PAM: variants seen among roughly 807,000 people sequenced by gnomAD.
PAM encodes the protein peptidyl-glycine alpha-amidating monooxygenase.
Under a neutral mutation model 122.1 loss-of-function variants are expected in PAM, and 72 were observed. That is an observed-to-expected ratio of 0.59 (90% CI 0.49 to 0.72). The LOEUF (loss-of-function observed/expected upper bound fraction) is 0.72, where lower values mean the gene tolerates loss of function less well. PAM is among the 30% of genes least tolerant of loss of function. The pLI is 0.00. For missense variants in PAM, 1,106 were observed against 1,183.7 expected (o/e 0.93, Z 0.96); for synonymous variants, 389 against 404.4 (o/e 0.96, Z 0.46).
intron 5 of PAM, among the ~76,000 whole-genome samples, chr5:102,923,983 A>AAGTG (rs1263101787): frequency 1.3e-5 from 2 of 152,204 alleles, no homozygotes; most frequent in African/African-American, 4.8e-5. Context: ...TCTGTGATGT[A>AAGTG]AGTGTACTTA....
At chr5:102,760,336 T>C (rs1226365728) in intron 1 of PAM, among the ~76,000 whole-genome samples, 1 of 152,120 alleles carries the variant, frequency 6.6e-6, no homozygotes, top group Non-Finnish European at 1.5e-5. Flanking sequence ...TTTTTGTGAG[T>C]AGTATAGTCC....
At chr5:103,003,937 G>T (rs1364471077) in intron 17 of PAM, among the ~76,000 whole-genome samples, 3 of 151,208 alleles carry the variant, frequency 2.0e-5, no homozygotes, top group Admixed American at 2.0e-4. Context: ...GTCTTATTTC[G>T]AGATGGCACT....
At chr5:102,910,482 G>A (rs544514211) in intron 4 of PAM, among the ~76,000 whole-genome samples, 2 of 151,830 alleles carry the variant, frequency 1.3e-5, no homozygotes, top group East Asian at 3.9e-4. Flanking sequence ...TCATTCCCAG[G>A]ACTTACTCAC....
intron 1 of PAM, among the ~76,000 whole-genome samples, chr5:102,842,383 T>C (rs60633106): frequency 0.058 from 8,856 of 152,138 alleles, 687 homozygotes; most frequent in African/African-American, 0.18. Context: ...CCCATGTTGT[T>C]CTCATGATAG....
Position 102,793,489 on chromosome 5 carries a change from C to G in PAM, c.-374+38141C>G, listed in dbSNP as rs112277049. 7.1e-3 allele frequency among the ~76,000 whole-genome samples: 1,088 copies of G among 152,288 alleles called. 7 individuals are homozygous for G. The highest frequency in any genetic ancestry group is 0.025 in the African/African-American group (1,035 of 41,566). On this transcript the variant is annotated intron_variant, in intron 1 of 25. Coordinates refer to ENST00000438793, the MANE Select transcript of PAM (RefSeq NM_001177306.2). ...GAGGCTGCAGTGAGCCTGATCGCAC[C>G]ACTGCTCTCCAGCCTGGGTGACAGA...
At chr5:102,900,736 G>T (rs1020316375) in intron 3 of PAM, among the ~76,000 whole-genome samples, 1 of 151,450 alleles carries the variant, frequency 6.6e-6, no homozygotes, top group African/African-American at 2.4e-5. Flanking sequence ...TCCTTAAATT[G>T]TAATTTTTAT....
chr5:102,793,587 A>C (rs1762604779), intron 1 of PAM, among the ~76,000 whole-genome samples: 1 of 152,220 alleles, frequency 6.6e-6, no homozygotes, highest in Non-Finnish European at 1.5e-5. Context: ...TTTTGGAACT[A>C]TTAGAATGTA....
rs1025587912 is a variant in PAM, at chr5:102,814,151, C to T, written c.-373-51672C>T. On this transcript the variant is annotated intron_variant, in intron 1 of 25. Transcript: ENST00000438793. The stretch of plus-strand genomic sequence containing the variant: ...GATGGCAACTGGAGACCATCAGGTC[C>T]CCTTTAGTATTTATAAGCAAGGGAA... Among the ~76,000 whole-genome samples, 5 of 152,194 alleles carry T rather than the reference C, an allele frequency of 3.3e-5. No individual in the cohort carries two copies. In the South Asian group the frequency reaches 6.2e-4, roughly 19 times the overall value.
chr5:102,885,802 T>C (rs1302965488), intron 3 of PAM, among the ~76,000 whole-genome samples: 2 of 152,012 alleles, frequency 1.3e-5, no homozygotes, highest in African/African-American at 4.8e-5. Context: ...TAGAAGCTTA[T>C]GGCTTCTGAG....
intron 7 of PAM, among the ~76,000 whole-genome samples, chr5:102,932,760 G>A (rs969244655): frequency 1.2e-4 from 18 of 151,934 alleles, no homozygotes; most frequent in African/African-American, 4.3e-4. Flanking sequence ...AGAACAGATT[G>A]GCAATGAATG....
At chr5:102,844,122 G>A (rs1416141895) in intron 1 of PAM, among the ~76,000 whole-genome samples, 3 of 152,192 alleles carry the variant, frequency 2.0e-5, no homozygotes, top group Non-Finnish European at 4.4e-5. Flanking sequence ...AGGCTCAGCA[G>A]TAAAAAGGAA....
intron 3 of PAM, among the ~76,000 whole-genome samples, chr5:102,899,408 A>G (rs73175436): frequency 0.014 from 2,184 of 151,730 alleles, 46 homozygotes; most frequent in African/African-American, 0.05. Flanking sequence ...TAACTTCCCT[A>G]TTCCAAAAAC....
chr5:102,957,621 C>G (rs1197081977), intron 12 of PAM, among the ~76,000 whole-genome samples: 3 of 152,018 alleles, frequency 2.0e-5, no homozygotes, highest in Non-Finnish European at 2.9e-5. Flanking sequence ...ACCTCTGCCC[C>G]TGTGTTCAAG....
intron 14 of PAM, among the ~76,000 whole-genome samples, chr5:102,964,770 T>C (rs748345344): frequency 5.9e-5 from 9 of 151,788 alleles, no homozygotes; most frequent in Non-Finnish European, 1.0e-4. Context: ...AATTATAATG[T>C]ATACACAATT....
intron 1 of PAM, among the ~76,000 whole-genome samples, chr5:102,772,408 C>T (rs1198289572): frequency 6.6e-6 from 1 of 152,106 alleles, no homozygotes; most frequent in Non-Finnish European, 1.5e-5. Context: ...CTGTCTTCCT[C>T]ATCCTGATTC....
intron 1 of PAM, among the ~76,000 whole-genome samples, chr5:102,799,785 A>G (rs1033225612): frequency 1.3e-5 from 2 of 152,204 alleles, no homozygotes; most frequent in Admixed American, 6.5e-5. Flanking sequence ...GGCATTGAAC[A>G]TGAAATATAT....
rs1421228463 is a variant in PAM, at chr5:103,005,215, G to C, written c.1792G>C (p.Ala598Pro). The change falls in exon 18 of 26, where the codon GCT (alanine) becomes CCT (proline). Residue 598 changes from alanine (A) to proline (P), a missense_variant. Ala to Pro is a conservative substitution (Grantham distance 27, BLOSUM62 -1). This residue lies in a region of PAM where 103 missense variants were observed against 157.9 expected (regional missense o/e 0.65). Transcript: ENST00000438793. ...TGGGAATTATTGGGTCACAGACGTG[G>C]CTCTCCATCAGGTAGTCTTCCTTTT... The part of the protein sequence containing the change: ...KDGNYWVTDV[A>P]LHQVFKLDPN... The C allele has an allele frequency of 7.2e-7, 1 of 1,387,798 alleles. No homozygotes were observed. The highest frequency in any genetic ancestry group is 1.0e-6 in the Non-Finnish European group (1 of 975,698). 86.0% of individuals were successfully genotyped at this position (1,387,798 alleles called of 1,614,324 possible).
chr5:102,916,428 A>G (rs1031637387), intron 5 of PAM, among the ~76,000 whole-genome samples: 1 of 151,854 alleles, frequency 6.6e-6, no homozygotes, highest in African/African-American at 2.4e-5. Flanking sequence ...CCATAGCCCC[A>G]CTTAATTTGT....
chr5:102,797,322 A>T (rs32677), intron 1 of PAM, among the ~76,000 whole-genome samples: 55,090 of 152,038 alleles, frequency 0.36, 10,233 homozygotes, highest in East Asian at 0.4. Flanking sequence ...CTAAATCATA[A>T]GATCATTATT....
Sources: allele counts gnomAD v4.1 joint callset (sites outside exome capture counted in the v4.1 genomes callset), GRCh38; gene constraint gnomAD v4.1.1; regional missense constraint gnomAD v4.1.1; transcripts MANE v1.5; gene names NCBI Gene and HGNC (gene_info 2026-07-23, HGNC 2026-07-21).